Variants in P4HTM observed in about 807,000 individuals in gnomAD.
P4HTM encodes the protein prolyl 4-hydroxylase, transmembrane.
A neutral mutation model predicts 55.3 loss-of-function variants in P4HTM; 33 were observed. The observed-to-expected ratio is 0.60, with a 90% CI of 0.45 to 0.80. The LOEUF (loss-of-function observed/expected upper bound fraction) is 0.80, where lower values mean the gene tolerates loss of function less well. P4HTM is among the 30% of genes least tolerant of loss of function. P4HTM has a pLI of 0.00. For missense variants in P4HTM, 542 were observed against 696.5 expected, an observed-to-expected ratio of 0.78 and a Z score of 2.50; for synonymous variants, 272 against 286.4, an observed-to-expected ratio of 0.95 and a Z score of 0.51.
At position 49,001,421 on chromosome 3, in the gene P4HTM, ACCT is replaced by A; in HGVS notation, c.437-12_437-10del. On this transcript the variant is annotated splice_polypyrimidine_tract_variant and intron_variant, in intron 2 of 8. Coordinates refer to ENST00000383729, the MANE Select transcript of P4HTM (RefSeq NM_177939.3). ...CCTGGCTCAGTCCTTGGCCTCACCC[ACCT>A]CCTCTTCTGGCAGAAATCCCCGGCT... 6.2e-7 allele frequency: 1 copy of A among 1,613,304 alleles called. No homozygotes were observed. The highest frequency in any genetic ancestry group is 8.5e-7 in the Non-Finnish European group (1 of 1,179,870).
intron 4 of P4HTM, chr3:49,003,107 G>T (rs1442424337): frequency 3.8e-6 from 1 of 264,150 alleles, no homozygotes; most frequent in African/African-American, 2.2e-5. Context: ...TGTGCTAACT[G>T]CTGGGGAGGG....
At chr3:48,991,232 A>G in intron 2 of P4HTM, 1 of 285,580 alleles carries the variant, frequency 3.5e-6, no homozygotes, top group Non-Finnish European at 6.7e-6. Flanking sequence ...AAGGTGGGAG[A>G]CTGATAACCA....
intron 8 of P4HTM, among the ~76,000 whole-genome samples, 167 bp from the exon 9 acceptor site, chr3:49,006,520 C>CTA (rs2092982461): frequency 6.6e-6 from 1 of 152,240 alleles, no homozygotes; most frequent in Non-Finnish European, 1.5e-5. Flanking sequence ...GTAGTGTTGA[C>CTA]TATACATTAG....
At chr3:48,990,219 G>A, upstream of P4HTM, 1 of 1,153,662 alleles carries the variant, frequency 8.7e-7, no homozygotes, top group Non-Finnish European at 1.1e-6. The surrounding 1 kb of genome is among the most constrained non-coding windows in gnomAD (Gnocchi z 7.2). Flanking sequence ...GGGCACCCCC[G>A]CGGCCCCTCC....
At chr3:49,005,590 A>C (rs2092975591) in intron 6 of P4HTM, 187 bp from the exon 7 acceptor site, 1 of 1,412,640 alleles carries the variant, frequency 7.1e-7, no homozygotes, top group South Asian at 1.9e-5. Flanking sequence ...TGCAACTCAC[A>C]GTAAGAGACT....
At chr3:48,993,632 C>T (rs1443970496) in intron 2 of P4HTM, among the ~76,000 whole-genome samples, 1 of 151,984 alleles carries the variant, frequency 6.6e-6, no homozygotes, top group Non-Finnish European at 1.5e-5. Flanking sequence ...GAGGCTGAGG[C>T]GGGTGGATCA....
Position 49,001,233 on chromosome 3 carries a change from C to T in P4HTM, c.437-205C>T, listed in dbSNP as rs2092960147. 4 of 607,904 alleles carry T rather than the reference C, an allele frequency of 6.6e-6. No individual in the cohort carries two copies. The South Asian group carries it at 7.4e-5, about 11-fold the overall frequency. The allele number at this position is 607,904 out of a possible 1,614,324, so 37.7% of individuals were successfully genotyped here. On this transcript the variant is annotated intron_variant, in intron 2 of 8. Transcript: ENST00000383729. ...GTGTGCTCTCATCATCAAGAGAGGT[C>T]CCACATTTCCAACGCCAGCCAGCCT...
intron 2 of P4HTM, 169 bp downstream of exon 2, chr3:48,991,083 C>T (rs2092929973): frequency 1.6e-6 from 1 of 608,502 alleles, no homozygotes. Context: ...TAGGGTAACA[C>T]TCCCTCTTAT....
chr3:48,990,835 G>A lies in P4HTM; in HGVS notation c.357G>A (p.Val119=). 3 of 1,613,580 alleles carry A rather than the reference G, an allele frequency of 1.9e-6. No individual in the cohort carries two copies. The highest frequency in any genetic ancestry group is 2.5e-6 in the Non-Finnish European group (3 of 1,179,700). The change falls in exon 2 of 9, where the codon GTG becomes GTA. Residue 119 remains valine (V), a splice_region_variant and synonymous_variant. Coordinates refer to ENST00000383729, the MANE Select transcript of P4HTM (RefSeq NM_177939.3). The surrounding 1 kb of genome is among the most constrained non-coding windows in gnomAD (Gnocchi z 7.2). ...GPLTRLEGIK[V]GHERKVQLVT... ...CCCGCTGTGCGCCTTTTCCTTAGGT[G>A]GGGCACGAGCGTAAGGTCCAGCTGG...
Position 49,001,467 on chromosome 3 carries a change from T to A in P4HTM, c.466T>A (p.Cys156Ser). ...CCCCGGCTTCCTGACTGATGAAGAG[T>A]GTCGGCTCATCATCCATCTGGCGCA... is the stretch of plus-strand genomic sequence containing the variant. ...EIPGFLTDEE[C>S]RLIIHLAQMK... Residue 156 changes from cysteine (C) to serine (S), a missense_variant, in exon 3 of 9, where the codon TGT becomes AGT. Cys to Ser is a moderately radical substitution (Grantham distance 112). This residue lies in a region of P4HTM where 536 missense variants were observed against 672.1 expected (regional missense o/e 0.80). Coordinates refer to ENST00000383729, the MANE Select transcript of P4HTM (RefSeq NM_177939.3). 6.2e-7 allele frequency: 1 copy of A among 1,613,742 alleles called. No individual in the cohort carries two copies. Among genetic ancestry groups the A allele is most frequent in the Non-Finnish European group, 8.5e-7 (1 of 1,179,976 alleles).
At chr3:49,000,573 G>A (rs549942509) in intron 2 of P4HTM, among the ~76,000 whole-genome samples, 4 of 152,216 alleles carry the variant, frequency 2.6e-5, no homozygotes, top group Admixed American at 1.3e-4. Context: ...AGTGAAGACC[G>A]CTCTCCCAGG....
intron 4 of P4HTM, chr3:49,003,187 G>A (rs1054326248): frequency 5.2e-5 from 11 of 211,066 alleles, no homozygotes; most frequent in Non-Finnish European, 9.7e-5. Context: ...TCTGAGGTGT[G>A]GTCATCACCC....
At chr3:49,004,585 A>G (rs2092970994) in intron 5 of P4HTM, 2 of 558,432 alleles carry the variant, frequency 3.6e-6, no homozygotes, top group Non-Finnish European at 3.2e-6. Context: ...ACTTTCTTCC[A>G]GGGAGGAGGA....
chr3:49,001,292 C>T lies in P4HTM; in HGVS notation c.437-146C>T, dbSNP rs538342000. The T allele has an allele frequency of 6.9e-6, 5 of 728,182 alleles. No homozygotes were observed. In the Admixed American group the frequency reaches 1.0e-4, roughly 15 times the overall value. 45.1% of individuals were successfully genotyped at this position (728,182 alleles called of 1,614,324 possible). A position where few individuals can be genotyped will look rare whatever the true frequency, so the allele number is the denominator to read the frequency against. ...CAACTCAATCTTGACAAGTCAGAATCAAGGGGTCTGTAAAATCCTCCATCC... is the reference window on the plus strand; with the variant it reads ...CAACTCAATCTTGACAAGTCAGAATTAAGGGGTCTGTAAAATCCTCCATCC... On this transcript the variant is annotated intron_variant, in intron 2 of 8. Transcript: ENST00000383729.
chr3:49,000,691 C>T (rs975473286), intron 2 of P4HTM, among the ~76,000 whole-genome samples: 1 of 152,248 alleles, frequency 6.6e-6, no homozygotes, highest in Non-Finnish European at 1.5e-5. Context: ...ACCAAGCCAC[C>T]TACCAGCTGT....
intron 7 of P4HTM, 24 bp from the exon 8 acceptor site, chr3:49,006,040 A>G: frequency 6.3e-7 from 1 of 1,599,088 alleles, no homozygotes; most frequent in Non-Finnish European, 8.6e-7. Flanking sequence ...CAGGTTGAAC[A>G]CCCCACCACC....
chr3:48,990,057 C>A, upstream of P4HTM: 2 of 263,512 alleles, frequency 7.6e-6, no homozygotes, highest in Non-Finnish European at 1.3e-5. The surrounding 1 kb of genome is among the most constrained non-coding windows in gnomAD (Gnocchi z 7.2). Flanking sequence ...GGAAGAGAAG[C>A]CCCAGCGTGG....
At chr3:48,995,910 A>G (rs1010748153) in intron 2 of P4HTM, among the ~76,000 whole-genome samples, 1 of 152,106 alleles carries the variant, frequency 6.6e-6, no homozygotes, top group African/African-American at 2.4e-5. Context: ...GGCTGGCTGG[A>G]GGAGTTCACT....
intron 4 of P4HTM, chr3:49,003,391 G>A (rs559981288): frequency 1.4e-3 from 227 of 158,674 alleles, no homozygotes; most frequent in Non-Finnish European, 2.3e-3. Flanking sequence ...ACCCTCAGAG[G>A]AATCTGGGCC....
Sources: gnomAD v4.1 joint callset for allele counts (sites outside exome capture counted in the v4.1 genomes callset) on GRCh38, gnomAD v4.1.1 for gene constraint, gnomAD v4.1.1 regional missense constraint, Gnocchi (gnomAD v3.1) non-coding constraint, MANE v1.5 for transcripts, NCBI Gene and HGNC (gene_info 2026-07-23, HGNC 2026-07-21) for gene names.